DNAAF9: variants seen among roughly 807,000 people sequenced by gnomAD.
The protein encoded by DNAAF9 is shulin.
Under a neutral mutation model 167.0 loss-of-function variants are expected in DNAAF9, and 90 were observed. That is an observed-to-expected ratio of 0.54 (90% CI 0.45 to 0.64). The LOEUF (loss-of-function observed/expected upper bound fraction) is 0.64. Ranked by LOEUF, DNAAF9 falls within the 30% of genes least tolerant of loss-of-function variation. DNAAF9 has a pLI of 0.00. For missense variants in DNAAF9, 1,315 were observed against 1,442.2 expected, an observed-to-expected ratio of 0.91 and a Z score of 1.43; for synonymous variants, 491 against 508.8, an observed-to-expected ratio of 0.96 and a Z score of 0.47.
chr20:3,402,842 G>C (rs2123312812), intron 1 of DNAAF9, among the ~76,000 whole-genome samples: 1 of 152,224 alleles, frequency 6.6e-6, no homozygotes, highest in African/African-American at 2.4e-5. Flanking sequence ...CCAGGGCCAA[G>C]ATCAACTTTT....
At chr20:3,395,603 A>G (rs567712816) in intron 1 of DNAAF9, among the ~76,000 whole-genome samples, 3 of 152,166 alleles carry the variant, frequency 2.0e-5, no homozygotes, top group Admixed American at 1.3e-4. Flanking sequence ...TTTCAGAGGA[A>G]GTGTAAAATC....
chr20:3,290,952 C>T lies in DNAAF9; in HGVS notation c.2239-735G>A, dbSNP rs538711902. On this transcript the variant is annotated intron_variant, in intron 25 of 36. Coordinates refer to ENST00000252032, the MANE Select transcript of DNAAF9 (RefSeq NM_001009984.3). The stretch of plus-strand genomic sequence containing the variant: ...TACAGGCACATGCCACCATACCCAG[C>T]TAATTTTTTCATTTTTAGTAGACAC... Among the ~76,000 whole-genome samples the T allele has an allele frequency of 2.6e-5, 4 of 152,274 alleles. No homozygotes were observed. In the South Asian group the frequency reaches 6.2e-4, roughly 24 times the overall value.
intron 21 of DNAAF9, among the ~76,000 whole-genome samples, chr20:3,303,578 A>G (rs1356576893): frequency 1.3e-5 from 2 of 152,210 alleles, no homozygotes; most frequent in African/African-American, 2.4e-5. Context: ...AATGTGTCCA[A>G]TTGGTCTGCC....
rs184555325 is a variant in DNAAF9 at position 3,369,565 on chromosome 20, G to T, written c.612+4483C>A. ...CTACTTTTCTATTTTTAGTAGAGACGGGGGTCTCGCTGTGTTGACCGAGCT... is the reference window on the plus strand; with the variant it reads ...CTACTTTTCTATTTTTAGTAGAGACTGGGGTCTCGCTGTGTTGACCGAGCT... On this transcript the variant is annotated intron_variant, in intron 6 of 36. Coordinates refer to ENST00000252032, the MANE Select transcript of DNAAF9 (RefSeq NM_001009984.3). 1.2e-3 allele frequency among the ~76,000 whole-genome samples: 181 copies of T among 152,074 alleles called. 1 individual carries two copies. Among genetic ancestry groups the T allele is most frequent in the Middle Eastern group, 3.4e-3 (1 of 294 alleles).
At chr20:3,304,085 C>A (rs1307190018) in intron 21 of DNAAF9, among the ~76,000 whole-genome samples, 1 of 152,180 alleles carries the variant, frequency 6.6e-6, no homozygotes, top group Non-Finnish European at 1.5e-5. Flanking sequence ...AGTGGGTGAG[C>A]CTTGAGCCCC....
intron 1 of DNAAF9, among the ~76,000 whole-genome samples, chr20:3,392,611 C>T (rs1175406249): frequency 6.6e-6 from 1 of 152,212 alleles, no homozygotes; most frequent in Non-Finnish European, 1.5e-5. Flanking sequence ...AAACAATCAT[C>T]TCTGTTCTTC....
intron 20 of DNAAF9, among the ~76,000 whole-genome samples, chr20:3,306,353 T>C (rs1287171109): frequency 1.3e-5 from 2 of 152,188 alleles, no homozygotes; most frequent in Non-Finnish European, 2.9e-5. Context: ...ATTCTTCTCA[T>C]CCACATCAAG....
intron 1 of DNAAF9, among the ~76,000 whole-genome samples, chr20:3,383,208 T>C (rs182182440): frequency 3.0e-4 from 45 of 151,776 alleles, no homozygotes; most frequent in South Asian, 1.7e-3. Flanking sequence ...AGACTGATTC[T>C]TCCACCTGGT....
intron 33 of DNAAF9, 107 bp from the exon 34 acceptor site, chr20:3,256,318 AAG>A: frequency 2.4e-6 from 2 of 820,170 alleles, no homozygotes; most frequent in Non-Finnish European, 4.0e-6. Context: ...GAGAAAATGC[AAG>A]AGACAGAACT....
chr20:3,368,755 T>C (rs957998405), intron 6 of DNAAF9, among the ~76,000 whole-genome samples: 1 of 152,106 alleles, frequency 6.6e-6, no homozygotes, highest in Non-Finnish European at 1.5e-5. Context: ...CCTGACCTCG[T>C]GATCCCTCCG....
intron 27 of DNAAF9, among the ~76,000 whole-genome samples, chr20:3,284,018 A>G (rs2068806940): frequency 6.6e-6 from 1 of 152,128 alleles, no homozygotes; most frequent in Non-Finnish European, 1.5e-5. Flanking sequence ...CACTGCCTCA[A>G]GAGAGAAGGC....
intron 20 of DNAAF9, among the ~76,000 whole-genome samples, chr20:3,305,666 G>A (rs1426710257): frequency 6.6e-6 from 1 of 152,208 alleles, no homozygotes; most frequent in Non-Finnish European, 1.5e-5. Context: ...TGAGGTTTCA[G>A]AAGGAAGGGA....
At chr20:3,281,467 T>C (rs1188459715) in intron 28 of DNAAF9, among the ~76,000 whole-genome samples, 174 bp downstream of exon 28, 1 of 152,232 alleles carries the variant, frequency 6.6e-6, no homozygotes, top group Non-Finnish European at 1.5e-5. Flanking sequence ...CTTCCATAAT[T>C]CCTCTCTCTT....
At chr20:3,316,845 C>A in intron 17 of DNAAF9, 52 bp from the exon 18 acceptor site, 12 of 1,306,864 alleles carry the variant, frequency 9.2e-6, no homozygotes, top group Non-Finnish European at 1.2e-5. Context: ...CTCAGCCTGC[C>A]TTGCAGGCCC....
At chr20:3,343,846 TGTGTGTGTGTGTGCGTGTGTGCATGTGC>T (rs2070135637) in intron 8 of DNAAF9, 115 bp from the exon 9 acceptor site, 2 of 631,588 alleles carry the variant, frequency 3.2e-6, no homozygotes, top group Non-Finnish European at 2.8e-6. Flanking sequence ...ACAGCGTGTG[TGTGTGTGTGTGTGCGTGTGTGCATGTGC>T]GTGTGTGTGA....
At position 3,326,265 on chromosome 20, in the gene DNAAF9, A is replaced by G. The variant is rs751642180; in HGVS notation, c.1120T>C (p.Tyr374His). 2.6e-5 allele frequency: 42 copies of G among 1,613,020 alleles called. No homozygotes were observed. Among genetic ancestry groups the G allele is most frequent in the Non-Finnish European group, 3.2e-5 (38 of 1,179,006 alleles). ...TEQIRLLSQI[Y>H]AAVIEAVLAG... ...AAAACAGCCTCAATAACAGCAGCAT[A>G]TATCTGGGACAATAGCCTACTTTAA... Residue 374 changes from tyrosine to histidine, a missense_variant, in exon 13 of 37, where the codon TAT becomes CAT. Tyr to His is a moderately conservative substitution (Grantham distance 83). Transcript: ENST00000252032.
At chr20:3,390,175 A>T (rs777203074) in intron 1 of DNAAF9, among the ~76,000 whole-genome samples, 35 of 152,174 alleles carry the variant, frequency 2.3e-4, no homozygotes, top group Non-Finnish European at 4.7e-4. Flanking sequence ...ATGTAGTAGG[A>T]TGTCCTTTAT....
At position 3,251,271 on chromosome 20, in the gene DNAAF9, G is replaced by C. The variant is rs1443894304; in HGVS notation, c.*1301C>G. 1 of 151,720 alleles carries C rather than the reference G, an allele frequency of 6.6e-6. No homozygotes were observed. Among genetic ancestry groups the C allele is most frequent in the East Asian group, 1.9e-4 (1 of 5,188 alleles). The allele number at this position is 151,720 out of a possible 1,614,324, so 9.4% of individuals were successfully genotyped here. A position where few individuals can be genotyped will look rare whatever the true frequency, so the allele number is the denominator to read the frequency against. On this transcript the variant is annotated 3_prime_UTR_variant, in exon 37 of 37. Coordinates refer to ENST00000252032, the MANE Select transcript of DNAAF9 (RefSeq NM_001009984.3). Reference sequence around the variant, plus strand: ...CATCTTGTCTCTCCGCTGCTCCAGGGGCCTTGCTCAAAAACCCCCTATATT... The same window carrying C: ...CATCTTGTCTCTCCGCTGCTCCAGGCGCCTTGCTCAAAAACCCCCTATATT...
intron 30 of DNAAF9, among the ~76,000 whole-genome samples, 175 bp downstream of exon 30, chr20:3,270,252 C>T (rs2068569790): frequency 6.6e-6 from 1 of 151,730 alleles, no homozygotes; most frequent in South Asian, 2.1e-4. Context: ...AAGTGATCCT[C>T]CCTTCTCAGC....
Sources: allele counts gnomAD v4.1 joint callset (sites outside exome capture counted in the v4.1 genomes callset), GRCh38; gene constraint gnomAD v4.1.1; transcripts MANE v1.5; gene names NCBI Gene and HGNC (gene_info 2026-07-23, HGNC 2026-07-21).